Variants in ADAM10 observed in about 807,000 individuals in gnomAD.
The protein encoded by ADAM10 is ADAM metallopeptidase domain 10.
In ADAM10, 17 loss-of-function variants were observed where a neutral mutation model predicts 90.1. That is an observed-to-expected ratio of 0.19 (90% CI 0.13 to 0.28). ADAM10 has a LOEUF of 0.28. ADAM10 is among the 10% of genes least tolerant of loss of function. The pLI is 1.00. For synonymous variants in ADAM10, 310 were observed against 298.6 expected, an observed-to-expected ratio of 1.04 and a Z score of -0.40; for missense variants, 610 against 914.3, an observed-to-expected ratio of 0.67 and a Z score of 4.29.
At chr15:58,681,590 T>C (rs1363488431) in intron 3 of ADAM10, among the ~76,000 whole-genome samples, 1 of 152,212 alleles carries the variant, frequency 6.6e-6, no homozygotes, top group South Asian at 2.1e-4. Context: ...AAGATTTTCA[T>C]TTTTTAAGCT....
At chr15:58,718,619 GT>G (rs1898741931) in intron 1 of ADAM10, among the ~76,000 whole-genome samples, 1 of 152,198 alleles carries the variant, frequency 6.6e-6, no homozygotes, top group Admixed American at 6.5e-5. Context: ...CATGAACTGA[GT>G]TTTTCCAGTC....
chr15:58,682,060 C>A lies in ADAM10; in HGVS notation c.325+136G>T, dbSNP rs1213215839. 5 of 1,192,834 alleles carry A rather than the reference C, an allele frequency of 4.2e-6. No individual in the cohort carries two copies. In the East Asian group the frequency reaches 1.3e-4, roughly 31 times the overall value. 73.9% of individuals were successfully genotyped at this position (1,192,834 alleles called of 1,614,324 possible). A position where few individuals can be genotyped will look rare whatever the true frequency, so the allele number is the denominator to read the frequency against. On this transcript the variant is annotated intron_variant, in intron 3 of 15. Transcript: ENST00000260408. Reference sequence around the variant, plus strand: ...CAAACATTACTTCATTTCTCAAAGACCATTACCCTTCATATGAATTCAACC... The same window carrying A: ...CAAACATTACTTCATTTCTCAAAGAACATTACCCTTCATATGAATTCAACC...
intron 2 of ADAM10, among the ~76,000 whole-genome samples, chr15:58,711,117 C>G (rs549885391): frequency 6.6e-6 from 1 of 152,300 alleles, no homozygotes; most frequent in South Asian, 2.1e-4. Flanking sequence ...GAAATTTACT[C>G]TTAAGGCTAC....
At chr15:58,677,071 G>C (rs1032840694) in intron 4 of ADAM10, among the ~76,000 whole-genome samples, 1 of 152,094 alleles carries the variant, frequency 6.6e-6, no homozygotes, top group Admixed American at 6.5e-5. Context: ...CTTAAACCAT[G>C]GTTCACTTGA....
chr15:58,662,988 G>C (rs1897004823), intron 5 of ADAM10, among the ~76,000 whole-genome samples: 1 of 152,194 alleles, frequency 6.6e-6, no homozygotes, highest in Admixed American at 6.5e-5. Flanking sequence ...GGAAATCACA[G>C]AGATATTTAT....
chr15:58,674,333 T>C lies in ADAM10; in HGVS notation c.484+4791A>G, dbSNP rs187277829. On this transcript the variant is annotated intron_variant, in intron 4 of 15. Coordinates refer to ENST00000260408, the MANE Select transcript of ADAM10 (RefSeq NM_001110.4). ...GTAAAGCATACAAATTCAAAACATA[T>C]AGTAGAGAGATTAACCAATACACTT... 5.3e-5 allele frequency among the ~76,000 whole-genome samples: 8 copies of C among 152,244 alleles called. No individual in the cohort carries two copies. In the South Asian group the frequency reaches 6.2e-4, roughly 12 times the overall value.
intron 11 of ADAM10, among the ~76,000 whole-genome samples, chr15:58,612,492 T>G (rs1309560542): frequency 6.6e-6 from 1 of 152,148 alleles, no homozygotes; most frequent in East Asian, 1.9e-4. Flanking sequence ...ACAGTAGTCA[T>G]CACTGTGCTG....
chr15:58,630,996 C>T (rs749139126), intron 9 of ADAM10, among the ~76,000 whole-genome samples: 1 of 152,060 alleles, frequency 6.6e-6, no homozygotes, highest in Non-Finnish European at 1.5e-5. Flanking sequence ...TGCATTCTCA[C>T]TCTCTTAGTT....
chr15:58,745,044 G>A (rs149586285), intron 1 of ADAM10, among the ~76,000 whole-genome samples: 6,823 of 152,200 alleles, frequency 0.045, 377 homozygotes, highest in African/African-American at 0.13. Flanking sequence ...TTAGCCAGGC[G>A]TGGTGGTGCG....
In ADAM10 at chr15:58,596,782, C is replaced by G. The variant is rs1894965372; in HGVS notation, c.*765G>C. 1 of 152,972 alleles carries G rather than the reference C, an allele frequency of 6.5e-6. No individual in the cohort carries two copies. Among genetic ancestry groups the G allele is most frequent in the Non-Finnish European group, 1.5e-5 (1 of 68,624 alleles). The allele number at this position is 152,972 out of a possible 1,614,324, so 9.5% of individuals were successfully genotyped here. A position where few individuals can be genotyped will look rare whatever the true frequency, so the allele number is the denominator to read the frequency against. On this transcript the variant is annotated 3_prime_UTR_variant, in exon 16 of 16. Transcript: ENST00000260408. ...GTGCTGCTATGTCCAGTTTGCACAA[C>G]ACTTAACTGTGTTCTTCAGTATAGT...
intron 5 of ADAM10, among the ~76,000 whole-genome samples, chr15:58,651,747 T>C (rs567166017): frequency 6.6e-6 from 1 of 152,088 alleles, no homozygotes; most frequent in Non-Finnish European, 1.5e-5. Flanking sequence ...CTATGATGTA[T>C]CTCTTCGGGT....
chr15:58,630,332 G>A (rs1223551894), intron 9 of ADAM10, among the ~76,000 whole-genome samples: 1 of 152,180 alleles, frequency 6.6e-6, no homozygotes, highest in Non-Finnish European at 1.5e-5. Flanking sequence ...GGAAGGAACT[G>A]ACTTCCTAGC....
intron 2 of ADAM10, among the ~76,000 whole-genome samples, chr15:58,693,397 A>T (rs1053805817): frequency 9.2e-5 from 14 of 152,242 alleles, no homozygotes; most frequent in Admixed American, 2.0e-4. Context: ...GTAACCAAAC[A>T]GTGGCATAAA....
chr15:58,650,399 G>A (rs1477537464), intron 5 of ADAM10, among the ~76,000 whole-genome samples: 3 of 152,152 alleles, frequency 2.0e-5, no homozygotes, highest in Admixed American at 6.6e-5. Context: ...TCCAGTTAGG[G>A]ACTGAGATGT....
intron 9 of ADAM10, 22 bp from the exon 10 acceptor site, chr15:58,627,905 T>C: frequency 6.2e-7 from 1 of 1,610,654 alleles, no homozygotes. Context: ...AATATAAAGT[T>C]ACATAAACAG....
rs147560095 is a variant in ADAM10 at position 58,739,086 on chromosome 15, A to G, written c.55+10394T>C. ...ACCACTATGCCAAAGCTTGCTCTAC[A>G]TTAAAGAAAAAGGGCTCCTCCCTAC... On this transcript the variant is annotated intron_variant, in intron 1 of 15. Transcript: ENST00000260408. Among the ~76,000 whole-genome samples the G allele has an allele frequency of 3.4e-4, 52 of 152,284 alleles. No individual in the cohort carries two copies. The East Asian group carries it at 9.8e-3, about 29-fold the overall frequency.
chr15:58,683,128 T>C (rs1180856858), intron 2 of ADAM10, among the ~76,000 whole-genome samples: 1 of 152,182 alleles, frequency 6.6e-6, no homozygotes, highest in Non-Finnish European at 1.5e-5. Context: ...GTCATAACAG[T>C]ACCTGGCACA....
At chr15:58,656,825 A>T (rs1896840664) in intron 5 of ADAM10, among the ~76,000 whole-genome samples, 1 of 152,130 alleles carries the variant, frequency 6.6e-6, no homozygotes, top group African/African-American at 2.4e-5. Flanking sequence ...GCTCATTCAC[A>T]TCCTTTTCTT....
intron 6 of ADAM10, among the ~76,000 whole-genome samples, chr15:58,645,664 G>C (rs1896527516): frequency 6.6e-6 from 1 of 152,058 alleles, no homozygotes; most frequent in Non-Finnish European, 1.5e-5. Context: ...TGAGGGTTGA[G>C]AAGACACAAG....
Sources: allele counts gnomAD v4.1 joint callset (sites outside exome capture counted in the v4.1 genomes callset), GRCh38; gene constraint gnomAD v4.1.1; transcripts MANE v1.5; gene names NCBI Gene and HGNC (gene_info 2026-07-23, HGNC 2026-07-21).